The following BPIFC variants were observed in gnomAD, a reference collection of about 807,000 sequenced individuals.
BPIFC encodes the protein BPI fold-containing family C protein.
BPIFC carries 60 observed loss-of-function variants against 57.6 expected under a neutral mutation model. The observed-to-expected ratio is 1.04, with a 90% CI of 0.85 to 1.29. The LOEUF is 1.29. BPIFC is among the 50% of genes most tolerant of loss of function. BPIFC has a pLI of 0.00. For missense variants in BPIFC, 581 were observed against 600.5 expected (o/e 0.97, Z 0.34); for synonymous variants, 243 against 224.5 (o/e 1.08, Z -0.74).
chr22:32,450,137 C>CATATAT (rs1184173551), intron 4 of BPIFC, among the ~76,000 whole-genome samples: 35 of 79,340 alleles, frequency 4.4e-4, no homozygotes, highest in Non-Finnish European at 7.8e-4. Context: ...CACACACACA[C>CATATAT]ACACATATAT....
In BPIFC at chr22:32,413,845, T is replaced by C. The variant is rs9609538; in HGVS notation, c.*458A>G. On this transcript the variant is annotated 3_prime_UTR_variant, in exon 17 of 17. Transcript: ENST00000300399. ...CATTTCTCAAATAAAAAAACCAAGA[T>C]TGAAGTTGATAGAAAACAATTTTAA... is the stretch of plus-strand genomic sequence containing the variant. 0.34 allele frequency: 51,740 copies of C among 152,176 alleles called. 8,957 individuals carry two copies. Among genetic ancestry groups the C allele is most frequent in the Middle Eastern group, 0.47 (139 of 294 alleles). 9.4% of individuals were successfully genotyped at this position (152,176 alleles called of 1,614,324 possible).
intron 8 of BPIFC, among the ~76,000 whole-genome samples, chr22:32,441,419 A>G (rs966970723): frequency 6.6e-6 from 1 of 152,156 alleles, no homozygotes; most frequent in Non-Finnish European, 1.5e-5. Context: ...GACGGCAGGT[A>G]TGTCTGTTGC....
chr22:32,416,974 T>C (rs1363962990), intron 15 of BPIFC, 111 bp downstream of exon 15: 4 of 985,832 alleles, frequency 4.1e-6, no homozygotes, highest in Non-Finnish European at 6.6e-6. Flanking sequence ...GATAACATGA[T>C]AGAAGTACAA....
At chr22:32,454,259 C>T (rs867938792) in intron 3 of BPIFC, among the ~76,000 whole-genome samples, 4 of 152,228 alleles carry the variant, frequency 2.6e-5, no homozygotes, top group Middle Eastern at 6.8e-3. Flanking sequence ...ATTCTTTAAG[C>T]TCAAGAATTT....
intron 7 of BPIFC, among the ~76,000 whole-genome samples, chr22:32,443,788 C>T (rs1032836250): frequency 6.6e-6 from 1 of 152,190 alleles, no homozygotes; most frequent in Non-Finnish European, 1.5e-5. Context: ...CACCTCATCA[C>T]ATTGTGAGTA....
chr22:32,448,931 C>T (rs186624665), intron 4 of BPIFC, among the ~76,000 whole-genome samples: 91 of 150,192 alleles, frequency 6.1e-4, no homozygotes, highest in Middle Eastern at 3.5e-3. Context: ...TGTGAGACTT[C>T]GTCTCAAAAA....
chr22:32,416,446 T>TATGTC (rs1465713720), intron 15 of BPIFC, among the ~76,000 whole-genome samples: 1 of 152,214 alleles, frequency 6.6e-6, no homozygotes, highest in East Asian at 1.9e-4. Flanking sequence ...TTCTCTCTGA[T>TATGTC]ATGTCCCTAG....
At chr22:32,415,045 C>CT (rs1277380461) in intron 16 of BPIFC, among the ~76,000 whole-genome samples, 3 of 152,222 alleles carry the variant, frequency 2.0e-5, no homozygotes, top group Non-Finnish European at 4.4e-5. Context: ...TTTCCACTGA[C>CT]TGGGATTGGG....
intron 7 of BPIFC, among the ~76,000 whole-genome samples, chr22:32,443,933 T>C (rs767200884): frequency 1.3e-5 from 2 of 152,146 alleles, no homozygotes; most frequent in African/African-American, 2.4e-5. Flanking sequence ...TAATTACAGA[T>C]GGGAAAACCA....
intron 1 of BPIFC, among the ~76,000 whole-genome samples, chr22:32,461,903 G>A (rs1935167641): frequency 6.6e-6 from 1 of 152,094 alleles, no homozygotes; most frequent in Non-Finnish European, 1.5e-5. Context: ...GCCGGGCGTG[G>A]TGGCTCACGC....
chr22:32,449,801 C>T (rs2145957069), intron 4 of BPIFC, among the ~76,000 whole-genome samples: 1 of 150,582 alleles, frequency 6.6e-6, no homozygotes, highest in Non-Finnish European at 1.5e-5. Context: ...GTGGCATGAT[C>T]TCGGCTCACT....
chr22:32,442,291 C>A (rs1238734295), intron 8 of BPIFC, among the ~76,000 whole-genome samples: 1 of 152,106 alleles, frequency 6.6e-6, no homozygotes, highest in Non-Finnish European at 1.5e-5. Context: ...TGCTAAGGTG[C>A]GAGGACTTGA....
chr22:32,444,977 TC>T (rs1196041977), intron 7 of BPIFC, among the ~76,000 whole-genome samples: 2 of 152,222 alleles, frequency 1.3e-5, no homozygotes, highest in African/African-American at 4.8e-5. Context: ...TCCCAACAGA[TC>T]CTAGTCCATG....
chr22:32,446,358 T>C lies in BPIFC; in HGVS notation c.375-362A>G, dbSNP rs187870003. 1.4e-3 allele frequency among the ~76,000 whole-genome samples: 217 copies of C among 152,254 alleles called. 2 individuals carry two copies. Among genetic ancestry groups the C allele is most frequent in the Admixed American group, 0.011 (173 of 15,288 alleles). On this transcript the variant is annotated intron_variant, in intron 5 of 16. Coordinates refer to ENST00000300399, the MANE Select transcript of BPIFC (RefSeq NM_174932.3). ...ACACTTTATTCAGGAAGGGCATAGA[T>C]GAAAAAGTGATGCTTAGATGTAGTC...
At chr22:32,425,593 G>A (rs1310528546) in intron 13 of BPIFC, among the ~76,000 whole-genome samples, 1 of 152,112 alleles carries the variant, frequency 6.6e-6, no homozygotes, top group Non-Finnish European at 1.5e-5. Flanking sequence ...CAACAGCTAA[G>A]AAATAGTCTT....
chr22:32,437,356 C>T (rs1934436351), intron 9 of BPIFC, among the ~76,000 whole-genome samples: 1 of 152,076 alleles, frequency 6.6e-6, no homozygotes. Context: ...TCCTTCTGTA[C>T]AGAATCATTG....
chr22:32,445,173 G>A (rs1434973241), intron 7 of BPIFC, among the ~76,000 whole-genome samples: 1 of 152,212 alleles, frequency 6.6e-6, no homozygotes, highest in Non-Finnish European at 1.5e-5. Flanking sequence ...GATATTTAAT[G>A]TGTGTGAAAG....
intron 13 of BPIFC, among the ~76,000 whole-genome samples, chr22:32,424,177 T>A (rs907358606): frequency 1.3e-5 from 2 of 152,156 alleles, no homozygotes; most frequent in African/African-American, 4.8e-5. Context: ...GTTTTGCTAA[T>A]GAGGAAACTG....
intron 1 of BPIFC, among the ~76,000 whole-genome samples, chr22:32,462,898 A>G (rs757906256): frequency 3.3e-5 from 5 of 152,210 alleles, no homozygotes; most frequent in Non-Finnish European, 7.3e-5. Flanking sequence ...ACAGAAAACC[A>G]AACACCATTT....
Sources: allele counts gnomAD v4.1 joint callset (sites outside exome capture counted in the v4.1 genomes callset), GRCh38; gene constraint gnomAD v4.1.1; transcripts MANE v1.5; gene names NCBI Gene and HGNC (gene_info 2026-07-23, HGNC 2026-07-21).